The following TCIRG1 variants were observed in gnomAD, a reference collection of about 807,000 sequenced individuals.
TCIRG1 encodes V-type proton ATPase 116 kDa subunit a 3.
In TCIRG1, 86 loss-of-function variants were observed where a neutral mutation model predicts 95.5. The ratio of observed to expected loss-of-function variants is 0.90; its 90% CI spans 0.76 to 1.08. The LOEUF (loss-of-function observed/expected upper bound fraction) is 1.08, where lower values mean the gene tolerates loss of function less well. TCIRG1 is among the 50% of genes least tolerant of loss of function. The probability of loss-of-function intolerance (pLI) is 0.00; values close to 1 mark genes in which losing one functional copy is unlikely to be tolerated. For missense variants in TCIRG1, 1,069 were observed against 1,140.2 expected (o/e 0.94, Z 0.90); for synonymous variants, 499 against 501.3 (o/e 1.00, Z 0.06).
At position 68,047,535 on chromosome 11, in the gene TCIRG1, C is replaced by T. The variant is rs766003504; in HGVS notation, c.1268C>T (p.Ala423Val). 1 of 1,613,942 alleles carries T rather than the reference C, an allele frequency of 6.2e-7. No individual in the cohort carries two copies. The highest frequency in any genetic ancestry group is 1.3e-5 in the African/African-American group (1 of 75,014). The change falls in exon 11 of 20, where the codon GCG becomes GTG. Residue 423 changes from alanine (A) to valine (V), a missense_variant. Ala to Val is a moderately conservative substitution (Grantham distance 64, BLOSUM62 0). Coordinates refer to ENST00000265686, the MANE Select transcript of TCIRG1 (RefSeq NM_006019.4). ...CTGTTCGCCCTGGCCATGGTCCTTG[C>T]GGAGAACCGACCGGCTGTGAAGGCC... ...MFLFALAMVL[A>V]ENRPAVKAAQ...
chr11:68,041,738 G>A lies in TCIRG1; in HGVS notation c.118-15G>A, dbSNP rs762065407. On this transcript the variant is annotated splice_polypyrimidine_tract_variant and intron_variant, in intron 2 of 19. Transcript: ENST00000265686. ...CCCTTCCCGGGACACTCACCCCTCC[G>A]TGTGGCACCCACAGCTCAACGCCTC... 14 of 1,603,686 alleles carry A rather than the reference G, an allele frequency of 8.7e-6. No individual in the cohort carries two copies. Among genetic ancestry groups the A allele is most frequent in the Middle Eastern group, 1.8e-4 (1 of 5,444 alleles).
At chr11:68,041,878 G>A (rs1409558162) in intron 3 of TCIRG1, 47 bp downstream of exon 3, 1 of 1,517,434 alleles carries the variant, frequency 6.6e-7, no homozygotes, top group Non-Finnish European at 9.0e-7. Flanking sequence ...CCTGGAGGAG[G>A]CATGGGCCAA....
In TCIRG1 at chr11:68,050,262, A is replaced by G; in HGVS notation, c.2236+8A>G. On this transcript the variant is annotated splice_region_variant and intron_variant, in intron 18 of 19. Coordinates refer to ENST00000265686, the MANE Select transcript of TCIRG1 (RefSeq NM_006019.4). The stretch of plus-strand genomic sequence containing the variant: ...TGAGCCTGGCCCACGCCCGTGAGTG[A>G]CCTGGCCACCGACGGCTGGCCCCAG... 6.2e-7 allele frequency: 1 copy of G among 1,611,342 alleles called. No homozygotes were observed. Among genetic ancestry groups the G allele is most frequent in the Non-Finnish European group, 8.5e-7 (1 of 1,179,252 alleles).
At chr11:68,041,076 C>T (rs992864417) in intron 1 of TCIRG1, among the ~76,000 whole-genome samples, 192 bp from the exon 2 acceptor site, 48 of 152,200 alleles carry the variant, frequency 3.2e-4, no homozygotes, top group African/African-American at 1.0e-3. Flanking sequence ...CGGGGTCTCC[C>T]AGTCCCACTG....
chr11:68,052,240 G>C (rs1855821186), downstream of TCIRG1: 1 of 151,588 alleles, frequency 6.6e-6, no homozygotes, highest in African/African-American at 2.4e-5. Flanking sequence ...GGCCCAGGGT[G>C]GTTTAGGGAA....
chr11:68,047,368 T>TC, intron 10 of TCIRG1, 65 bp from the exon 11 acceptor site: 1 of 1,557,698 alleles, frequency 6.4e-7, no homozygotes. Flanking sequence ...CTCCGTGGCG[T>TC]CTTGGGCCGG....
In TCIRG1 at chr11:68,044,974, GT is replaced by G; in HGVS notation, c.1038del (p.Ser346ArgfsTer57). 1 of 1,608,284 alleles carries G rather than the reference GT, an allele frequency of 6.2e-7. No homozygotes were observed. The highest frequency in any genetic ancestry group is 2.2e-5 in the East Asian group (1 of 44,890). ...LRDSSMEEGVSAVAHRIPCRD... is the reference protein window; with the variant it reads ...LRDSSMEEGVXAVAHRIPCRD... ...GGCACCCAGATGGAGGAGGGAGTGAGTGCCGTGGCTCACCGCATCCCCTGCC... is the reference window on the plus strand; with the variant it reads ...GGCACCCAGATGGAGGAGGGAGTGAGGCCGTGGCTCACCGCATCCCCTGCC... On this transcript the variant is annotated frameshift_variant, in exon 10 of 20. Transcript: ENST00000265686. LOFTEE classifies it high-confidence loss of function.
chr11:68,049,898 C>A, intron 16 of TCIRG1, 64 bp from the exon 17 acceptor site: 1 of 1,562,958 alleles, frequency 6.4e-7, no homozygotes, highest in Non-Finnish European at 8.7e-7. Flanking sequence ...AGGAGCAGGC[C>A]TGGCGGGTGG....
downstream of TCIRG1, chr11:68,052,281 T>TGAGA (rs1307428323): frequency 6.6e-6 from 1 of 152,334 alleles, no homozygotes; most frequent in East Asian, 1.9e-4. Flanking sequence ...TAGGAAGGCC[T>TGAGA]GAGACTGTGA....
In TCIRG1 at chr11:68,041,283, G is replaced by A. The variant is rs1855145976; in HGVS notation, c.12G>A (p.Met4Ile). The A allele has an allele frequency of 2.5e-6, 4 of 1,612,344 alleles. No homozygotes were observed. The highest frequency in any genetic ancestry group is 2.2e-5 in the East Asian group (1 of 44,882). Reference sequence around the variant, plus strand: ...CCACCCACAGGACCATGGGCTCCATGTTCCGGAGCGAGGAGGTGGCCCTGG... The same window carrying A: ...CCACCCACAGGACCATGGGCTCCATATTCCGGAGCGAGGAGGTGGCCCTGG... MGSMFRSEEVALVQ... is the reference protein window; with the variant it reads MGSIFRSEEVALVQ... Residue 4 changes from methionine to isoleucine, a missense_variant, in exon 2 of 20, where the codon ATG becomes ATA. Met to Ile is a conservative substitution (Grantham distance 10, BLOSUM62 1). Coordinates refer to ENST00000265686, the MANE Select transcript of TCIRG1 (RefSeq NM_006019.4).
chr11:68,047,173 G>C (rs934073043), intron 10 of TCIRG1, among the ~76,000 whole-genome samples: 4 of 145,504 alleles, frequency 2.7e-5, no homozygotes, highest in African/African-American at 7.8e-5. Flanking sequence ...ACCATGCCCA[G>C]CTAATTTTTC....
In TCIRG1 at chr11:68,050,874, A is replaced by G; in HGVS notation, c.*55A>G. Reference sequence around the variant, plus strand: ...TCCTGACCTCTGAGGCAGGAGAGGAATAAAGACGGTCCGCCCTGGCAGTGA... The same window carrying G: ...TCCTGACCTCTGAGGCAGGAGAGGAGTAAAGACGGTCCGCCCTGGCAGTGA... On this transcript the variant is annotated 3_prime_UTR_variant, in exon 20 of 20. Transcript: ENST00000265686. 6.3e-7 allele frequency: 1 copy of G among 1,579,282 alleles called. No individual in the cohort carries two copies. The highest frequency in any genetic ancestry group is 1.1e-5 in the South Asian group (1 of 90,294).
chr11:68,047,135 T>G, intron 10 of TCIRG1: 2 of 403,026 alleles, frequency 5.0e-6, no homozygotes, highest in Non-Finnish European at 9.3e-6. Flanking sequence ...CTCAGCCTCC[T>G]GAGTAGCTGG....
At chr11:68,048,855 A>G in intron 13 of TCIRG1, 24 bp from the exon 14 acceptor site, 1 of 1,557,920 alleles carries the variant, frequency 6.4e-7, no homozygotes, top group Non-Finnish European at 8.8e-7. Context: ...CCCTGAGTCC[A>G]GCCCACCCCT....
rs368136779 is a variant in TCIRG1 at position 68,047,579 on chromosome 11, G to C, written c.1305+7G>C. On this transcript the variant is annotated splice_region_variant and intron_variant, in intron 11 of 19. Transcript: ENST00000265686. ...GAAGGCCGCGCAGAACGAGGTGAGG[G>C]GCGGGGCTGGGGTCCTGATGAGGGT... 1.1e-5 allele frequency: 18 copies of C among 1,613,532 alleles called. No homozygotes were observed. The African/African-American group carries it at 2.0e-4, about 18-fold the overall frequency.
chr11:68,050,622 T>G lies in TCIRG1; in HGVS notation c.2372T>G (p.Met791Arg). 6.2e-7 allele frequency: 1 copy of G among 1,613,448 alleles called. No homozygotes were observed. The highest frequency in any genetic ancestry group is 2.2e-5 in the East Asian group (1 of 44,876). The change falls in exon 19 of 20, where the codon ATG becomes AGG. Residue 791 changes from methionine to arginine, a missense_variant. Coordinates refer to ENST00000265686, the MANE Select transcript of TCIRG1 (RefSeq NM_006019.4). Reference sequence around the variant, plus strand: ...ATGACCGTGGCTATCCTGCTGGTGATGGAGGGACTCTCAGCCTTCCTGCAC... The same window carrying G: ...ATGACCGTGGCTATCCTGCTGGTGAGGGAGGGACTCTCAGCCTTCCTGCAC... ...AVMTVAILLV[M>R]EGLSAFLHAL...
At position 68,043,503 on chromosome 11, in the gene TCIRG1, C is replaced by T. The variant is rs1322296041; in HGVS notation, c.630+6C>T. The T allele has an allele frequency of 1.3e-6, 2 of 1,574,638 alleles. No homozygotes were observed. Among genetic ancestry groups the T allele is most frequent in the Non-Finnish European group, 8.6e-7 (1 of 1,160,272 alleles). ...CGCTGGAGCACCCCGTGACGGTGAG[C>T]AGCTGGCGCTGGGCTGGGGGGTCCT... On this transcript the variant is annotated splice_donor_region_variant and intron_variant, in intron 6 of 19. Transcript: ENST00000265686.
downstream of TCIRG1, chr11:68,052,232 C>CCGGGA (rs1855821043): frequency 1.4e-5 from 2 of 146,020 alleles, no homozygotes; most frequent in Non-Finnish European, 3.0e-5. Context: ...CAGGGCCGGG[C>CCGGGA]CCAGGGTGGT....
At position 68,050,043 on chromosome 11, in the gene TCIRG1, C is replaced by T; in HGVS notation, c.2095C>T (p.Leu699=). The T allele has an allele frequency of 6.2e-7, 1 of 1,613,386 alleles. No individual in the cohort carries two copies. The highest frequency in any genetic ancestry group is 8.5e-7 in the Non-Finnish European group (1 of 1,179,912). The change falls in exon 17 of 20, where the codon CTG becomes TTG. Residue 699 remains leucine (L), a synonymous_variant. Transcript: ENST00000265686. Reference sequence around the variant, plus strand: ...CTCCGATGAGGAAAAGGCAGGGGGCCTGGATGATGAAGAGGAGGCCGAGGT... The same window carrying T: ...CTCCGATGAGGAAAAGGCAGGGGGCTTGGATGATGAAGAGGAGGCCGAGGT... ...WSSDEEKAGG[L]DDEEEAELVP...
Sources: gnomAD v4.1 joint callset for allele counts (sites outside exome capture counted in the v4.1 genomes callset) on GRCh38, gnomAD v4.1.1 for gene constraint, MANE v1.5 for transcripts, NCBI Gene and HGNC (gene_info 2026-07-23, HGNC 2026-07-21) for gene names.